LINGO2: variants seen among roughly 807,000 people sequenced by gnomAD.
The protein encoded by LINGO2 is leucine rich repeat and Ig domain containing 2.
A neutral mutation model predicts 30.6 loss-of-function variants in LINGO2; 14 were observed. The observed-to-expected ratio is 0.46, with a 90% confidence interval of 0.30 to 0.72. The LOEUF (loss-of-function observed/expected upper bound fraction) is 0.72, where lower values mean the gene tolerates loss of function less well. Ranked by LOEUF, LINGO2 falls within the 30% of genes least tolerant of loss-of-function variation. The pLI is 0.07. For synonymous variants in LINGO2, 317 were observed against 288.5 expected (o/e 1.10, Z -1.00); for missense variants, 729 against 751.7 (o/e 0.97, Z 0.35).
intron 4 of LINGO2, among the ~76,000 whole-genome samples, chr9:28,043,649 A>G (rs1352344215): frequency 6.6e-6 from 1 of 152,154 alleles, no homozygotes; most frequent in Non-Finnish European, 1.5e-5. Flanking sequence ...ACCCTCATGT[A>G]CCCATCACCC....
At chr9:28,438,853 G>A (rs1398505750) in intron 2 of LINGO2, among the ~76,000 whole-genome samples, 3 of 137,942 alleles carry the variant, frequency 2.2e-5, no homozygotes, top group African/African-American at 8.6e-5. Context: ...TATATATAAT[G>A]AGATATATAT....
At position 27,952,869 on chromosome 9, in the gene LINGO2, G is replaced by C. The variant is rs183549977; in HGVS notation, c.-35-2163C>G. 2.6e-3 allele frequency among the ~76,000 whole-genome samples: 399 copies of C among 152,206 alleles called. 3 individuals are homozygous for C. Among genetic ancestry groups the C allele is most frequent in the African/African-American group, 8.5e-3 (354 of 41,566 alleles). On this transcript the variant is annotated intron_variant, in intron 5 of 5. Transcript: ENST00000379992. Reference sequence around the variant, plus strand: ...ATAAAGTTAGAAACCCAGGAAGGAAGAGAATGATTGACTCTGTTGTACACA... The same window carrying C: ...ATAAAGTTAGAAACCCAGGAAGGAACAGAATGATTGACTCTGTTGTACACA...
At chr9:28,004,604 G>C (rs753753589) in intron 5 of LINGO2, among the ~76,000 whole-genome samples, 9 of 151,450 alleles carry the variant, frequency 5.9e-5, no homozygotes, top group Admixed American at 1.3e-4. Flanking sequence ...TCAACTAATA[G>C]TTGATAAATA....
the LINGO2 span, among the ~76,000 whole-genome samples, chr9:29,099,594 G>A: frequency 0.24 from 36,987 of 151,926 alleles, 4,678 homozygotes; most frequent in East Asian, 0.41. Flanking sequence ...GATGTATCTC[G>A]AAAGAAGACA....
intron 1 of LINGO2, among the ~76,000 whole-genome samples, chr9:28,577,529 A>C (rs148252287): frequency 4.6e-5 from 7 of 152,262 alleles, no homozygotes; most frequent in African/African-American, 1.4e-4. Context: ...TCAAATTTGC[A>C]TGGAGGCTAA....
At chr9:28,175,680 A>T (rs2133684741) in intron 4 of LINGO2, among the ~76,000 whole-genome samples, 1 of 152,328 alleles carries the variant, frequency 6.6e-6, no homozygotes, top group East Asian at 1.9e-4. Flanking sequence ...CTATCCAGGA[A>T]TATGCTTTTG....
At chr9:28,874,194 C>A in the LINGO2 span, among the ~76,000 whole-genome samples, 3 of 151,772 alleles carry the variant, frequency 2.0e-5, no homozygotes, top group Admixed American at 1.3e-4. Context: ...AAGGAATTAC[C>A]ATTGTTTACT....
chr9:28,676,133 G>A, the LINGO2 span, among the ~76,000 whole-genome samples: 2 of 150,266 alleles, frequency 1.3e-5, no homozygotes, highest in African/African-American at 4.9e-5. Flanking sequence ...CTGAAACATG[G>A]CATTAATTCC....
chr9:28,819,465 T>C, the LINGO2 span, among the ~76,000 whole-genome samples: 1 of 152,224 alleles, frequency 6.6e-6, no homozygotes, highest in Non-Finnish European at 1.5e-5. Flanking sequence ...ATTCTACCAC[T>C]ATTCCACATG....
the LINGO2 span, among the ~76,000 whole-genome samples, chr9:29,011,909 G>A: frequency 0.026 from 3,964 of 152,172 alleles, 185 homozygotes; most frequent in African/African-American, 0.091. Flanking sequence ...AAATGGCAAT[G>A]GCAAAATTTG....
intron 1 of LINGO2, among the ~76,000 whole-genome samples, chr9:28,500,352 A>T (rs1262513675): frequency 1.3e-5 from 2 of 152,198 alleles, no homozygotes; most frequent in Non-Finnish European, 2.9e-5. Context: ...ATTCCTCTAA[A>T]GGCAGAAAAT....
At chr9:28,078,208 T>C (rs1469222180) in intron 4 of LINGO2, among the ~76,000 whole-genome samples, 1 of 149,062 alleles carries the variant, frequency 6.7e-6, no homozygotes, top group Admixed American at 6.6e-5. Context: ...GAGAGGAAAT[T>C]GAAGCCCAAC....
At chr9:28,982,661 T>C in the LINGO2 span, among the ~76,000 whole-genome samples, 1 of 152,066 alleles carries the variant, frequency 6.6e-6, no homozygotes, top group African/African-American at 2.4e-5. Context: ...ACAATAAATA[T>C]ATGAATCATT....
At chr9:29,118,970 C>A in the LINGO2 span, among the ~76,000 whole-genome samples, 1 of 152,236 alleles carries the variant, frequency 6.6e-6, no homozygotes, top group Non-Finnish European at 1.5e-5. Context: ...CCCCATTTTA[C>A]CATGGTCTGG....
At chr9:29,067,225 G>A in the LINGO2 span, among the ~76,000 whole-genome samples, 2 of 151,376 alleles carry the variant, frequency 1.3e-5, no homozygotes, top group East Asian at 3.9e-4. Context: ...AACTGAATAG[G>A]ATCAGTAAAG....
chr9:28,281,147 A>T (rs1029483172), intron 4 of LINGO2, among the ~76,000 whole-genome samples: 1 of 152,150 alleles, frequency 6.6e-6, no homozygotes, highest in African/African-American at 2.4e-5. Context: ...ATGCAGATGC[A>T]TGTACAGACA....
chr9:28,858,056 C>T, the LINGO2 span, among the ~76,000 whole-genome samples: 6 of 151,894 alleles, frequency 4.0e-5, no homozygotes, highest in Non-Finnish European at 8.8e-5. Context: ...GTATCTTCTT[C>T]GACACAGGTA....
the LINGO2 span, among the ~76,000 whole-genome samples, chr9:28,971,041 C>T: frequency 6.6e-6 from 1 of 152,140 alleles, no homozygotes; most frequent in African/African-American, 2.4e-5. Flanking sequence ...TGGATACCAG[C>T]TCAGCCACAG....
chr9:28,701,064 T>A, the LINGO2 span, among the ~76,000 whole-genome samples: 1 of 151,576 alleles, frequency 6.6e-6, no homozygotes, highest in Non-Finnish European at 1.5e-5. Context: ...ATGTCCTTTA[T>A]CAGCTATTTT....
Sources: allele counts gnomAD v4.1 joint callset (sites outside exome capture counted in the v4.1 genomes callset), GRCh38; gene constraint gnomAD v4.1.1; transcripts MANE v1.5; gene names NCBI Gene and HGNC (gene_info 2026-07-23, HGNC 2026-07-21).